ASCC3: variants seen among roughly 807,000 people sequenced by gnomAD.
ASCC3 encodes activating signal cointegrator 1 complex subunit 3, also known as ASC-1 complex subunit P200.
Under a neutral mutation model 256.3 loss-of-function variants are expected in ASCC3, and 158 were observed. The observed-to-expected ratio is 0.62, with a 90% confidence interval of 0.54 to 0.70. ASCC3 has a LOEUF of 0.70. Among genes scored for constraint, ASCC3 ranks in the 30% least tolerant of loss-of-function variants. ASCC3 has a pLI of 0.00. For synonymous variants in ASCC3, 948 were observed against 883.4 expected (o/e 1.07, Z -1.30); for missense variants, 2,259 against 2,626.0 (o/e 0.86, Z 3.05).
chr6:100,510,019 C>G lies in ASCC3; in HGVS notation c.6374G>C (p.Arg2125Thr). ...TACTCTTTTCAAAGCAATAAGTTCTCTCTTATCCACTTCTCCTAATATCAA... is the reference window on the plus strand; with the variant it reads ...TACTCTTTTCAAAGCAATAAGTTCTGTCTTATCCACTTCTCCTAATATCAA... The part of the protein sequence containing the change: ...WFLILGEVDK[R>T]ELIALKRVGY... The change falls in exon 41 of 42, where the codon AGA becomes ACA. Residue 2125 changes from arginine (R) to threonine (T), a missense_variant. By Grantham distance (71) the Arg-to-Thr change is moderately conservative (BLOSUM62 -1). Coordinates refer to ENST00000369162, the MANE Select transcript of ASCC3 (RefSeq NM_006828.4). 6.2e-7 allele frequency: 1 copy of G among 1,614,096 alleles called. No individual in the cohort carries two copies. The highest frequency in any genetic ancestry group is 8.5e-7 in the Non-Finnish European group (1 of 1,179,966).
chr6:100,857,269 T>C (rs1288599737), intron 3 of ASCC3: 2 of 152,104 alleles, frequency 1.3e-5, no homozygotes, highest in East Asian at 1.9e-4. Flanking sequence ...CCTTATTGAT[T>C]TGTAGGAGCT....
At chr6:100,781,290 A>G (rs1250717935) in intron 8 of ASCC3, among the ~76,000 whole-genome samples, 1 of 152,148 alleles carries the variant, frequency 6.6e-6, no homozygotes, top group African/African-American at 2.4e-5. Flanking sequence ...TTAGTCAAAT[A>G]ATTTTTTTCT....
At chr6:100,771,507 T>C (rs1781914631) in intron 8 of ASCC3, among the ~76,000 whole-genome samples, 1 of 150,942 alleles carries the variant, frequency 6.6e-6, no homozygotes, top group Admixed American at 6.6e-5. Context: ...ATCTTTGCAA[T>C]ACATATATCA....
chr6:100,575,724 A>T (rs1770824689), intron 36 of ASCC3, among the ~76,000 whole-genome samples: 1 of 152,090 alleles, frequency 6.6e-6, no homozygotes, highest in South Asian at 2.1e-4. Context: ...TATAAAAATT[A>T]ACTGAAAATT....
chr6:100,532,335 CGTGTGT>C (rs3073701), intron 37 of ASCC3, among the ~76,000 whole-genome samples: 1,609 of 99,722 alleles, frequency 0.016, 53 homozygotes, highest in East Asian at 0.14. Flanking sequence ...TGCTATCTTG[CGTGTGT>C]GTGTGTGTGT....
intron 2 of ASCC3, among the ~76,000 whole-genome samples, chr6:100,865,710 C>T (rs1199071052): frequency 6.6e-6 from 1 of 151,996 alleles, no homozygotes; most frequent in East Asian, 1.9e-4. Context: ...TATCATTCTA[C>T]AATAGATTCA....
chr6:100,518,469 T>C (rs1774145808), intron 37 of ASCC3, among the ~76,000 whole-genome samples: 1 of 152,204 alleles, frequency 6.6e-6, no homozygotes, highest in Non-Finnish European at 1.5e-5. Flanking sequence ...AATACTCATA[T>C]AATTCACTGT....
At chr6:100,608,069 T>TACACATATATATGTATATATCGATATAC (rs1447893892) in intron 30 of ASCC3, among the ~76,000 whole-genome samples, 14 of 92,196 alleles carry the variant, frequency 1.5e-4, no homozygotes, top group Non-Finnish European at 2.1e-4. Context: ...CACATATATA[T>TACACATATATATGTATATATCGATATAC]ACATATATAT....
intron 35 of ASCC3, 83 bp downstream of exon 35, chr6:100,589,865 A>T: frequency 1.3e-6 from 2 of 1,591,584 alleles, no homozygotes; most frequent in African/African-American, 2.7e-5. Flanking sequence ...ATTTTTTAAA[A>T]AATTTTGATA....
chr6:100,626,822 A>G (rs1345943853), intron 29 of ASCC3, among the ~76,000 whole-genome samples: 4 of 152,104 alleles, frequency 2.6e-5, no homozygotes, highest in Admixed American at 6.6e-5. Flanking sequence ...AAACCTCAAC[A>G]TCTAATGGAT....
intron 36 of ASCC3, among the ~76,000 whole-genome samples, chr6:100,550,782 G>T (rs1476109304): frequency 6.6e-6 from 1 of 151,832 alleles, no homozygotes; most frequent in South Asian, 2.1e-4. Flanking sequence ...AGATTTATGT[G>T]ATTTATTGCA....
chr6:100,634,687 A>G (rs1774739162), intron 25 of ASCC3, among the ~76,000 whole-genome samples: 1 of 151,998 alleles, frequency 6.6e-6, no homozygotes, highest in South Asian at 2.1e-4. Flanking sequence ...TAAAATCACA[A>G]TAAGATATCA....
At chr6:100,769,448 T>C (rs1005775148) in intron 8 of ASCC3, among the ~76,000 whole-genome samples, 6 of 151,916 alleles carry the variant, frequency 3.9e-5, no homozygotes, top group African/African-American at 1.4e-4. Flanking sequence ...GCGCAGAATA[T>C]ACATGCATTA....
intron 30 of ASCC3, among the ~76,000 whole-genome samples, chr6:100,622,658 T>C (rs1207650578): frequency 6.6e-6 from 1 of 151,766 alleles, no homozygotes; most frequent in Non-Finnish European, 1.5e-5. Context: ...AATACAATTA[T>C]AACAAATATT....
intron 5 of ASCC3, among the ~76,000 whole-genome samples, chr6:100,804,406 T>C (rs772493581): frequency 1.3e-5 from 2 of 152,082 alleles, no homozygotes; most frequent in Non-Finnish European, 1.5e-5. Context: ...TAAGTATATA[T>C]ATTTTTTCTT....
intron 36 of ASCC3, among the ~76,000 whole-genome samples, chr6:100,562,652 G>A (rs1490963558): frequency 1.3e-5 from 2 of 151,868 alleles, no homozygotes; most frequent in South Asian, 2.1e-4. Flanking sequence ...TGGTCTTTAC[G>A]GAAAAGTTTT....
chr6:100,613,688 A>T (rs1582563810), intron 30 of ASCC3, among the ~76,000 whole-genome samples: 1 of 152,092 alleles, frequency 6.6e-6, no homozygotes, highest in East Asian at 1.9e-4. Context: ...CTTCGGGTAG[A>T]CACCTAGTAG....
chr6:100,806,526 T>C (rs1770190992), intron 4 of ASCC3, among the ~76,000 whole-genome samples: 1 of 151,890 alleles, frequency 6.6e-6, no homozygotes, highest in Admixed American at 6.6e-5. Flanking sequence ...TTGCACAATA[T>C]AACTATTCTA....
intron 36 of ASCC3, among the ~76,000 whole-genome samples, chr6:100,560,534 C>G (rs1463665938): frequency 6.6e-6 from 1 of 152,030 alleles, no homozygotes; most frequent in African/African-American, 2.4e-5. Context: ...GCAGCACTCC[C>G]ACTGGGATAC....
Sources: gnomAD v4.1 joint callset for allele counts (sites outside exome capture counted in the v4.1 genomes callset) on GRCh38, gnomAD v4.1.1 for gene constraint, MANE v1.5 for transcripts, NCBI Gene and HGNC (gene_info 2026-07-23, HGNC 2026-07-21) for gene names.